Variants in DCAF4 observed in about 807,000 individuals in gnomAD.
DCAF4 encodes DDB1- and CUL4-associated factor 4.
Under a neutral mutation model 60.9 loss-of-function variants are expected in DCAF4, and 37 were observed. The observed-to-expected ratio is 0.61, with a 90% CI of 0.47 to 0.80. DCAF4 has a LOEUF of 0.80. Among genes scored for constraint, DCAF4 ranks in the 30% least tolerant of loss-of-function variants. DCAF4 has a pLI of 0.00. For synonymous variants in DCAF4, 243 were observed against 254.8 expected, an observed-to-expected ratio of 0.95 and a Z score of 0.44; for missense variants, 577 against 650.0, an observed-to-expected ratio of 0.89 and a Z score of 1.22.
chr14:72,928,903 G>C (rs933179912), intron 1 of DCAF4, among the ~76,000 whole-genome samples: 1 of 152,122 alleles, frequency 6.6e-6, no homozygotes, highest in East Asian at 1.9e-4. Context: ...GGGAGATGGA[G>C]CCCCTCCCCC....
intron 5 of DCAF4, 159 bp downstream of exon 5, chr14:72,941,983 T>C: frequency 2.9e-6 from 2 of 686,306 alleles, no homozygotes; most frequent in Non-Finnish European, 4.9e-6. Context: ...TTCTGCTGCT[T>C]AAACCCACCC....
At position 72,938,314 on chromosome 14, in the gene DCAF4, T is replaced by C. The variant is rs759559029; in HGVS notation, c.92+244T>C. 3.9e-4 allele frequency among the ~76,000 whole-genome samples: 60 copies of C among 152,192 alleles called. 1 individual carries two copies. The highest frequency in any genetic ancestry group is 7.8e-4 in the Non-Finnish European group (53 of 68,038). On this transcript the variant is annotated intron_variant, in intron 2 of 13. Coordinates refer to ENST00000358377, the MANE Select transcript of DCAF4 (RefSeq NM_015604.4). ...GGAGAGAGGACCACTCTCTGTTCTT[T>C]CCTAAGTGACCACGACCTCTGGCCA... is the stretch of plus-strand genomic sequence containing the variant.
chr14:72,929,425 C>T (rs1170133614), intron 1 of DCAF4, among the ~76,000 whole-genome samples: 1 of 152,208 alleles, frequency 6.6e-6, no homozygotes, highest in Non-Finnish European at 1.5e-5. Context: ...TTTGCTGCCG[C>T]GCGTGGTGGC....
At chr14:72,935,447 G>A (rs1270122661) in intron 1 of DCAF4, among the ~76,000 whole-genome samples, 1 of 152,194 alleles carries the variant, frequency 6.6e-6, no homozygotes, top group Non-Finnish European at 1.5e-5. Flanking sequence ...TAGAGACGGG[G>A]TTTCACCACG....
chr14:72,959,911 G>T (rs572477385), downstream of DCAF4, among the ~76,000 whole-genome samples: 1 of 152,344 alleles, frequency 6.6e-6, no homozygotes, highest in Non-Finnish European at 1.5e-5. Flanking sequence ...AGGAGAGGGA[G>T]TGGTTCCCCG....
At chr14:72,952,792 T>G (rs1891591531) in intron 9 of DCAF4, among the ~76,000 whole-genome samples, 1 of 148,670 alleles carries the variant, frequency 6.7e-6, no homozygotes, top group Non-Finnish European at 1.5e-5. Context: ...CCTCCCAGGT[T>G]CAAGCAATGC....
downstream of DCAF4, among the ~76,000 whole-genome samples, chr14:72,961,545 G>A (rs1044818923): frequency 2.6e-5 from 4 of 152,224 alleles, no homozygotes; most frequent in African/African-American, 9.6e-5. Context: ...TCTCGTGGGA[G>A]AAAGGCAAGC....
intron 1 of DCAF4, among the ~76,000 whole-genome samples, chr14:72,929,355 T>C (rs561297893): frequency 6.6e-6 from 1 of 152,304 alleles, no homozygotes; most frequent in South Asian, 2.1e-4. Context: ...GGTCCACATA[T>C]TCTGTGCACT....
In DCAF4 at chr14:72,959,085, T is replaced by G; in HGVS notation, c.*280T>G. ...GAACTTAGTTAACCCTCCCTGCCTT[T>G]TCTTAACAAAAAGGACTTTTCTAAG... On this transcript the variant is annotated 3_prime_UTR_variant, in exon 14 of 14. Coordinates refer to ENST00000358377, the MANE Select transcript of DCAF4 (RefSeq NM_015604.4). 1 of 1,119,572 alleles carries G rather than the reference T, an allele frequency of 8.9e-7. No individual in the cohort carries two copies. Among genetic ancestry groups the G allele is most frequent in the Non-Finnish European group, 1.1e-6 (1 of 916,234 alleles). 69.4% of individuals were successfully genotyped at this position (1,119,572 alleles called of 1,614,324 possible).
intron 1 of DCAF4, among the ~76,000 whole-genome samples, chr14:72,932,273 G>A (rs1334023273): frequency 6.6e-6 from 1 of 152,166 alleles, no homozygotes; most frequent in Non-Finnish European, 1.5e-5. Context: ...TTACAGGCGT[G>A]AGCCACTGCA....
At chr14:72,941,661 A>AT (rs3832967) in intron 4 of DCAF4, 84 bp from the exon 5 acceptor site, 381,490 of 1,314,334 alleles carry the variant, frequency 0.29, 59,110 homozygotes, top group Non-Finnish European at 0.31. Context: ...CCTTCATTAC[A>AT]TCCTATGGAA....
downstream of DCAF4, among the ~76,000 whole-genome samples, chr14:72,960,220 T>G (rs924736352): frequency 2.0e-5 from 3 of 151,416 alleles, no homozygotes; most frequent in African/African-American, 7.3e-5. Flanking sequence ...GCAATGGCGC[T>G]CTCACCGCAC....
chr14:72,947,214 G>T (rs1890848167), intron 8 of DCAF4, 23 bp downstream of exon 8: 1 of 1,613,672 alleles, frequency 6.2e-7, no homozygotes, highest in African/African-American at 1.3e-5. Context: ...AGAGGAAGAG[G>T]TTTGGTGGGC....
chr14:72,926,801 C>G (rs1280530802), intron 1 of DCAF4: 3 of 152,322 alleles, frequency 2.0e-5, no homozygotes, highest in Non-Finnish European at 4.4e-5. Context: ...GCAGGGAGGG[C>G]ACCCCGAGTG....
chr14:72,940,082 T>G, intron 3 of DCAF4, 138 bp from the exon 4 acceptor site: 1 of 1,295,544 alleles, frequency 7.7e-7, no homozygotes, highest in Non-Finnish European at 1.1e-6. Context: ...GTCCAGGATG[T>G]TGCCTGACAA....
intron 1 of DCAF4, chr14:72,929,745 T>A: frequency 9.7e-7 from 1 of 1,035,730 alleles, no homozygotes; most frequent in Non-Finnish European, 1.5e-6. Context: ...CTTGAAGACC[T>A]TCAGTGACTC....
chr14:72,956,455 T>TAC lies in DCAF4; in HGVS notation c.1250_1251dup (p.Leu418ThrfsTer33). ...CGAAGGCCACGTGAATGAGTACGCC[T>TAC]ACCTGCCCCTGCATGTGCACGAGGA... On this transcript the variant is annotated frameshift_variant, in exon 13 of 14. Transcript: ENST00000358377. LOFTEE classifies it high-confidence loss of function. 1 of 1,613,654 alleles carries TAC rather than the reference T, an allele frequency of 6.2e-7. No homozygotes were observed. Among genetic ancestry groups the TAC allele is most frequent in the Non-Finnish European group, 8.5e-7 (1 of 1,179,818 alleles).
downstream of DCAF4, chr14:72,961,929 C>T (rs930262448): frequency 6.1e-6 from 7 of 1,144,492 alleles, no homozygotes; most frequent in Middle Eastern, 2.5e-4. Flanking sequence ...TTGGCTACCG[C>T]GGGAACACCC....
At position 72,934,496 on chromosome 14, in the gene DCAF4, G is replaced by T. The variant is rs142899221; in HGVS notation, c.-8-3475G>T. Reference sequence around the variant, plus strand: ...GTAGAGTTGGGGTTTCGTCATGTTGGTCAGGCTGGTCTCAAACTGCTGACC... The same window carrying T: ...GTAGAGTTGGGGTTTCGTCATGTTGTTCAGGCTGGTCTCAAACTGCTGACC... On this transcript the variant is annotated intron_variant, in intron 1 of 13. Coordinates refer to ENST00000358377, the MANE Select transcript of DCAF4 (RefSeq NM_015604.4). Among the ~76,000 whole-genome samples, 705 of 152,170 alleles carry T rather than the reference G, an allele frequency of 4.6e-3. 4 individuals carry two copies. The highest frequency in any genetic ancestry group is 0.016 in the African/African-American group (677 of 41,500).
Sources: allele counts gnomAD v4.1 joint callset (sites outside exome capture counted in the v4.1 genomes callset), GRCh38; gene constraint gnomAD v4.1.1; transcripts MANE v1.5; gene names NCBI Gene and HGNC (gene_info 2026-07-23, HGNC 2026-07-21).